Variants in EPS8 observed in about 807,000 individuals in gnomAD.
The protein encoded by EPS8 is epidermal growth factor receptor kinase substrate 8.
EPS8 carries 42 observed loss-of-function variants against 103.8 expected under a neutral mutation model. That is an observed-to-expected ratio of 0.40 (90% CI 0.32 to 0.52). EPS8 has a LOEUF of 0.52. EPS8 is among the 20% of genes least tolerant of loss of function. The pLI, the probability that EPS8 is intolerant of heterozygous loss-of-function variation, is 0.40. For synonymous variants in EPS8, 344 were observed against 344.6 expected (o/e 1.00, Z 0.02); for missense variants, 969 against 1,005.1 (o/e 0.96, Z 0.49).
Position 15,695,355 on chromosome 12 carries a change from A to G in EPS8, c.-21-12383T>C, listed in dbSNP as rs1270451107. On this transcript the variant is annotated intron_variant, in intron 1 of 20. Transcript: ENST00000281172. This position sits in a 1 kb window ranked among gnomAD's most constrained non-coding sequence, Gnocchi z 5.0. ...TCATTCGCTCATTTAACAAATAATT[A>G]CTACGTAACCAGAATGTGCCCATCA... Among the ~76,000 whole-genome samples, 1 of 152,220 alleles carries G rather than the reference A, an allele frequency of 6.6e-6. No homozygotes were observed. The highest frequency in any genetic ancestry group is 1.5e-5 in the Non-Finnish European group (1 of 68,046).
In EPS8 at chr12:15,725,305, G is replaced by C. The variant is rs955252004; in HGVS notation, c.-21-42333C>G. 6.6e-6 allele frequency among the ~76,000 whole-genome samples: 1 copy of C among 151,872 alleles called. No homozygotes were observed. Among genetic ancestry groups the C allele is most frequent in the African/African-American group, 2.4e-5 (1 of 41,328 alleles). On this transcript the variant is annotated intron_variant, in intron 1 of 20. Transcript: ENST00000281172. The surrounding 1 kb of genome is among the most constrained non-coding windows in gnomAD (Gnocchi z 4.5). ...GTATCACCTGAAATCACCCTCAAGA[G>C]ATCTCCGGAAAAGTCATGTAGCTGG...
chr12:15,666,036 G>T, intron 7 of EPS8, 144 bp from the exon 8 acceptor site: 1 of 822,254 alleles, frequency 1.2e-6, no homozygotes, highest in Non-Finnish European at 1.9e-6. Context: ...TACACATTAT[G>T]CATATTTATG....
rs1947255579 is a variant in EPS8 at position 15,781,005 on chromosome 12, C to G, written c.-22+8156G>C. On this transcript the variant is annotated intron_variant, in intron 1 of 20. Transcript: ENST00000281172. The surrounding 1 kb of genome is among the most constrained non-coding windows in gnomAD (Gnocchi z 4.1). ...GCCTTAAATACATCAGGGAACTTAA[C>G]TGACTCAGTTCCCTGCCCTTGAGAA... Among the ~76,000 whole-genome samples the G allele has an allele frequency of 6.6e-6, 1 of 152,190 alleles. No individual in the cohort carries two copies. Among genetic ancestry groups the G allele is most frequent in the Non-Finnish European group, 1.5e-5 (1 of 68,032 alleles).
chr12:15,731,721 T>C lies in EPS8; in HGVS notation c.-21-48749A>G, dbSNP rs1368408814. ...ATTCTTGCATAAAAATATTTCATTT[T>C]GTCTTCGTGTAAGGGTCAATAATTT... On this transcript the variant is annotated intron_variant, in intron 1 of 20. Transcript: ENST00000281172. The surrounding 1 kb of genome is among the most constrained non-coding windows in gnomAD (Gnocchi z 5.1). Among the ~76,000 whole-genome samples the C allele has an allele frequency of 1.3e-5, 2 of 152,226 alleles. No homozygotes were observed. The highest frequency in any genetic ancestry group is 2.9e-5 in the Non-Finnish European group (2 of 68,038).
rs1314999108 is a variant in EPS8, at chr12:15,784,092, T to G, written c.-22+5069A>C. 6.6e-6 allele frequency among the ~76,000 whole-genome samples: 1 copy of G among 152,166 alleles called. No individual in the cohort carries two copies. The highest frequency in any genetic ancestry group is 2.4e-5 in the African/African-American group (1 of 41,472). On this transcript the variant is annotated intron_variant, in intron 1 of 20. Transcript: ENST00000281172. This position sits in a 1 kb window ranked among gnomAD's most constrained non-coding sequence, Gnocchi z 4.0. ...AACACAGGATAAAATCTATGTAGCC[T>G]TGGCAATGAGTTTTCAAATATAACA...
In EPS8 at chr12:15,759,721, G is replaced by A. The variant is rs192572704; in HGVS notation, c.-22+29440C>T. On this transcript the variant is annotated intron_variant, in intron 1 of 20. Coordinates refer to ENST00000281172, the MANE Select transcript of EPS8 (RefSeq NM_004447.6). The surrounding 1 kb of genome is among the most constrained non-coding windows in gnomAD (Gnocchi z 4.9). ...AACAATATGCTCACGAATGACCACT[G>A]GGTCAATGAAGAAACTAAGAAGGAA... is the stretch of plus-strand genomic sequence containing the variant. Among the ~76,000 whole-genome samples, 1 of 152,028 alleles carries A rather than the reference G, an allele frequency of 6.6e-6. No homozygotes were observed. The highest frequency in any genetic ancestry group is 1.9e-4 in the East Asian group (1 of 5,186).
chr12:15,777,995 CAT>C lies in EPS8; in HGVS notation c.-22+11164_-22+11165del, dbSNP rs1170508048. On this transcript the variant is annotated intron_variant, in intron 1 of 20. Transcript: ENST00000281172. The surrounding 1 kb of genome is among the most constrained non-coding windows in gnomAD (Gnocchi z 4.7). ...AAGAAATGTAAAAAAATTAAAATAA[CAT>C]AGAAAGAAATATGCTTTAAACAATT... Among the ~76,000 whole-genome samples the C allele has an allele frequency of 1.3e-5, 2 of 152,126 alleles. No individual in the cohort carries two copies. Among genetic ancestry groups the C allele is most frequent in the African/African-American group, 4.8e-5 (2 of 41,420 alleles).
intron 17 of EPS8, among the ~76,000 whole-genome samples, 165 bp downstream of exon 17, chr12:15,640,538 C>T (rs1400286010): frequency 6.6e-6 from 1 of 152,154 alleles, no homozygotes; most frequent in Non-Finnish European, 1.5e-5. Context: ...TGTAATTCTT[C>T]CCTGTGTCTC....
At chr12:15,788,916 C>CG (rs1211003604) in intron 1 of EPS8, among the ~76,000 whole-genome samples, 1 of 152,140 alleles carries the variant, frequency 6.6e-6, no homozygotes, top group Non-Finnish European at 1.5e-5. Flanking sequence ...CCCAGCCTCC[C>CG]GGAGCCCTGG....
rs557903066 is a variant in EPS8, at chr12:15,665,803, C to T, written c.689G>A (p.Arg230Lys). 1 of 1,613,796 alleles carries T rather than the reference C, an allele frequency of 6.2e-7. No individual in the cohort carries two copies. The highest frequency in any genetic ancestry group is 8.5e-7 in the Non-Finnish European group (1 of 1,179,908). ...PPGTVTQVDV[R>K]SRVAAWSAWA... is the part of the protein sequence containing the mutation. ...TGCAGACCAGGCTGCCACTCGACTT[C>T]TAACATCCACCTGGGTGACGGTCCC... is the stretch of plus-strand genomic sequence containing the variant. Residue 230 changes from arginine (R) to lysine (K), a missense_variant, in exon 8 of 21, where the codon AGA (arginine) becomes AAA (lysine). Arg to Lys is a conservative substitution (Grantham distance 26). Coordinates refer to ENST00000281172, the MANE Select transcript of EPS8 (RefSeq NM_004447.6).
rs1416448111 is a variant in EPS8 at position 15,772,750 on chromosome 12, G to T, written c.-22+16411C>A. On this transcript the variant is annotated intron_variant, in intron 1 of 20. Coordinates refer to ENST00000281172, the MANE Select transcript of EPS8 (RefSeq NM_004447.6). This position sits in a 1 kb window ranked among gnomAD's most constrained non-coding sequence, Gnocchi z 5.0. The stretch of plus-strand genomic sequence containing the variant: ...ACCAGGAAAGAACAGCACCACCACA[G>T]GAGCCAAAGGAAGAGAATATTCTTT... Among the ~76,000 whole-genome samples, 1 of 152,098 alleles carries T rather than the reference G, an allele frequency of 6.6e-6. No homozygotes were observed. The highest frequency in any genetic ancestry group is 1.5e-5 in the Non-Finnish European group (1 of 68,006).
intron 17 of EPS8, among the ~76,000 whole-genome samples, chr12:15,636,309 C>G (rs562292805): frequency 8.5e-5 from 13 of 152,060 alleles, no homozygotes; most frequent in Non-Finnish European, 1.9e-4. Context: ...CATTTACTTC[C>G]TTTTCTCTGT....
chr12:15,648,717 A>G (rs530182975), intron 14 of EPS8, among the ~76,000 whole-genome samples: 2 of 152,300 alleles, frequency 1.3e-5, no homozygotes, highest in African/African-American at 4.8e-5. Flanking sequence ...AGTCAGCAGT[A>G]GGAAATCACT....
chr12:15,715,061 G>C (rs1946513814), intron 1 of EPS8, among the ~76,000 whole-genome samples: 1 of 152,190 alleles, frequency 6.6e-6, no homozygotes, highest in Non-Finnish European at 1.5e-5. Context: ...CTGAAGGACT[G>C]ATTCCCCAAC....
intron 1 of EPS8, among the ~76,000 whole-genome samples, chr12:15,694,968 A>T (rs1354382660): frequency 1.3e-5 from 2 of 152,192 alleles, no homozygotes; most frequent in Non-Finnish European, 2.9e-5. Flanking sequence ...CTATTTCATT[A>T]TTGTAAAAAT....
chr12:15,635,145 T>C (rs996935682), intron 17 of EPS8, among the ~76,000 whole-genome samples: 2 of 152,198 alleles, frequency 1.3e-5, no homozygotes, highest in Non-Finnish European at 2.9e-5. Flanking sequence ...CAGAAGGTAA[T>C]ACTGCATGCA....
At chr12:15,774,974 A>G (rs1288369957) in intron 1 of EPS8, among the ~76,000 whole-genome samples, 1 of 152,106 alleles carries the variant, frequency 6.6e-6, no homozygotes, top group African/African-American at 2.4e-5. Flanking sequence ...TGAAACAGAT[A>G]GTTATGAATC....
rs145722981 is a variant in EPS8, at chr12:15,631,583, C to T, written c.1903G>A (p.Val635Ile). Reference protein sequence around the residue: ...SPPPTPAPVPVPLPPSTPAPV... With the variant: ...SPPPTPAPVPIPLPPSTPAPV... The stretch of plus-strand genomic sequence containing the variant: ...GCTGGAGTGGAAGGGGGAAGGGGAA[C>T]AGGAACAGGAGCTGGTGTTGGAGGA... The change falls in exon 18 of 21, where the codon GTT becomes ATT. Residue 635 changes from valine to isoleucine, a missense_variant. Coordinates refer to ENST00000281172, the MANE Select transcript of EPS8 (RefSeq NM_004447.6). 127 of 1,613,926 alleles carry T rather than the reference C, an allele frequency of 7.9e-5. 1 individual carries two copies. The African/African-American group carries it at 1.6e-3, about 20-fold the overall frequency.
rs1255593406 is a variant in EPS8, at chr12:15,721,998, G to C, written c.-21-39026C>G. On this transcript the variant is annotated intron_variant, in intron 1 of 20. Transcript: ENST00000281172. The surrounding 1 kb of genome is among the most constrained non-coding windows in gnomAD (Gnocchi z 4.4). Reference sequence around the variant, plus strand: ...CTTTTTTTTTTCAAAGGGGGCTACTGTCTGTCTGGTTTTATAATCTTTTAA... The same window carrying C: ...CTTTTTTTTTTCAAAGGGGGCTACTCTCTGTCTGGTTTTATAATCTTTTAA... 6.7e-6 allele frequency among the ~76,000 whole-genome samples: 1 copy of C among 149,678 alleles called. No homozygotes were observed. The highest frequency in any genetic ancestry group is 1.5e-5 in the Non-Finnish European group (1 of 67,594).
Sources: allele counts gnomAD v4.1 joint callset (sites outside exome capture counted in the v4.1 genomes callset), GRCh38; gene constraint gnomAD v4.1.1; non-coding constraint Gnocchi (gnomAD v3.1); transcripts MANE v1.5; gene names NCBI Gene and HGNC (gene_info 2026-07-23, HGNC 2026-07-21).